Variants in RPS6KA5 observed in about 807,000 individuals in gnomAD.
RPS6KA5 encodes the protein ribosomal protein S6 kinase alpha-5.
RPS6KA5 carries 27 observed loss-of-function variants against 85.5 expected under a neutral mutation model. That is an observed-to-expected ratio of 0.32 (90% CI 0.23 to 0.44). RPS6KA5 has a LOEUF of 0.44. RPS6KA5 is among the 20% of genes least tolerant of loss of function. The probability of loss-of-function intolerance (pLI) is 1.00; values close to 1 mark genes in which losing one functional copy is unlikely to be tolerated. For synonymous variants in RPS6KA5, 334 were observed against 348.2 expected (o/e 0.96, Z 0.46); for missense variants, 811 against 980.9 (o/e 0.83, Z 2.31).
intron 5 of RPS6KA5, among the ~76,000 whole-genome samples, chr14:90,923,888 A>C (rs1205475464): frequency 6.6e-6 from 1 of 152,082 alleles, no homozygotes; most frequent in Non-Finnish European, 1.5e-5. Context: ...TTAACCTAAA[A>C]ATTATTTTTT....
chr14:90,978,720 G>A (rs1595385647), intron 2 of RPS6KA5, among the ~76,000 whole-genome samples, 196 bp from the exon 3 acceptor site: 1 of 152,024 alleles, frequency 6.6e-6, no homozygotes, highest in South Asian at 2.1e-4. Flanking sequence ...AACCCTTAAT[G>A]TTTACATATC....
intron 3 of RPS6KA5, among the ~76,000 whole-genome samples, chr14:90,974,951 T>C (rs922585674): frequency 1.3e-5 from 2 of 152,184 alleles, no homozygotes; most frequent in Non-Finnish European, 2.9e-5. Context: ...TAGATATCAT[T>C]AACGGAAAGA....
At chr14:90,897,276 G>A (rs999984740) in intron 12 of RPS6KA5, among the ~76,000 whole-genome samples, 1 of 152,186 alleles carries the variant, frequency 6.6e-6, no homozygotes, top group African/African-American at 2.4e-5. Flanking sequence ...TTCTGCTCAA[G>A]AGGGAACCAG....
At chr14:90,964,787 C>T (rs2038973957) in intron 3 of RPS6KA5, among the ~76,000 whole-genome samples, 1 of 151,638 alleles carries the variant, frequency 6.6e-6, no homozygotes, top group Non-Finnish European at 1.5e-5. Context: ...TGGTGGTGTG[C>T]ACCTATAGTC....
chr14:90,968,012 C>A (rs780954520), intron 3 of RPS6KA5, among the ~76,000 whole-genome samples: 1 of 152,144 alleles, frequency 6.6e-6, no homozygotes, highest in African/African-American at 2.4e-5. Context: ...GACTTAGTGG[C>A]GTAAACACTA....
intron 6 of RPS6KA5, among the ~76,000 whole-genome samples, chr14:90,921,974 TAGAA>T (rs1340410449): frequency 2.0e-5 from 3 of 152,216 alleles, no homozygotes; most frequent in Non-Finnish European, 4.4e-5. Flanking sequence ...CATAATTACT[TAGAA>T]AGTTTCTTCT....
At chr14:91,057,611 A>G (rs2043377179) in intron 1 of RPS6KA5, among the ~76,000 whole-genome samples, 1 of 152,246 alleles carries the variant, frequency 6.6e-6, no homozygotes, top group Non-Finnish European at 1.5e-5. Context: ...CTACATGAGA[A>G]GACTGGACAT....
intron 7 of RPS6KA5, among the ~76,000 whole-genome samples, chr14:90,914,454 A>T (rs1043365080): frequency 2.0e-5 from 3 of 151,506 alleles, no homozygotes; most frequent in Non-Finnish European, 2.9e-5. Flanking sequence ...AGCTGGAATT[A>T]CAGGCACCCA....
At chr14:91,028,381 A>G (rs963349599) in intron 1 of RPS6KA5, among the ~76,000 whole-genome samples, 1 of 151,980 alleles carries the variant, frequency 6.6e-6, no homozygotes, top group African/African-American at 2.4e-5. Flanking sequence ...CCACACCTGG[A>G]TAATTTTTTA....
At chr14:91,008,457 T>G (rs2041124310) in intron 1 of RPS6KA5, among the ~76,000 whole-genome samples, 1 of 152,164 alleles carries the variant, frequency 6.6e-6, no homozygotes, top group African/African-American at 2.4e-5. Context: ...TTAGAAAAGC[T>G]CATTGAGAAT....
chr14:90,928,845 C>A (rs1026979352), intron 5 of RPS6KA5, among the ~76,000 whole-genome samples: 1 of 151,660 alleles, frequency 6.6e-6, no homozygotes, highest in Non-Finnish European at 1.5e-5. Context: ...ATTCTAAATC[C>A]ATTTCATGGT....
rs193102183 is a variant in RPS6KA5, at chr14:90,872,904, C to T, written c.2161-582G>A. 2.3e-3 allele frequency among the ~76,000 whole-genome samples: 352 copies of T among 152,332 alleles called. 2 individuals are homozygous for T. The highest frequency in any genetic ancestry group is 8.3e-3 in the African/African-American group (343 of 41,568). On this transcript the variant is annotated intron_variant, in intron 16 of 16. Coordinates refer to ENST00000614987, the MANE Select transcript of RPS6KA5 (RefSeq NM_004755.4). ...TGCTGCAGTTACACCTTGTAGTTGT[C>T]ACCTTGCAACCTATGTCACTGAGAA... is the stretch of plus-strand genomic sequence containing the variant.
intron 5 of RPS6KA5, among the ~76,000 whole-genome samples, chr14:90,925,508 G>A (rs540183161): frequency 3.3e-5 from 5 of 152,180 alleles, no homozygotes; most frequent in Admixed American, 2.6e-4. Context: ...TGGGGAAGTA[G>A]GAAAATCTGG....
At chr14:90,930,814 C>A (rs1264592432) in intron 5 of RPS6KA5, among the ~76,000 whole-genome samples, 2 of 152,022 alleles carry the variant, frequency 1.3e-5, no homozygotes, top group Non-Finnish European at 2.9e-5. Context: ...GAGATAAACG[C>A]GAATCAGAAT....
At chr14:91,039,336 A>G (rs2042517727) in intron 1 of RPS6KA5, among the ~76,000 whole-genome samples, 1 of 152,188 alleles carries the variant, frequency 6.6e-6, no homozygotes. Flanking sequence ...TGGATTCATG[A>G]AAGCGATTTG....
Position 90,868,737 on chromosome 14 carries a change from T to C in RPS6KA5, c.*3337A>G, listed in dbSNP as rs985575565. 2.0e-5 allele frequency: 3 copies of C among 152,188 alleles called. No individual in the cohort carries two copies. The highest frequency in any genetic ancestry group is 4.4e-5 in the Non-Finnish European group (3 of 68,032). 9.4% of individuals were successfully genotyped at this position (152,188 alleles called of 1,614,324 possible). A position where few individuals can be genotyped will look rare whatever the true frequency, so the allele number is the denominator to read the frequency against. On this transcript the variant is annotated 3_prime_UTR_variant, in exon 17 of 17. Coordinates refer to ENST00000614987, the MANE Select transcript of RPS6KA5 (RefSeq NM_004755.4). Reference sequence around the variant, plus strand: ...GCAAGGTGAATAAGTATCCAGTCAATTGTATACTTTTATAAAGTAGTGTAT... The same window carrying C: ...GCAAGGTGAATAAGTATCCAGTCAACTGTATACTTTTATAAAGTAGTGTAT...
At chr14:91,042,173 T>C (rs1021995600) in intron 1 of RPS6KA5, among the ~76,000 whole-genome samples, 1 of 152,210 alleles carries the variant, frequency 6.6e-6, no homozygotes, top group African/African-American at 2.4e-5. Flanking sequence ...TTTCATCTTA[T>C]AGCATATACA....
chr14:90,958,171 A>G (rs1288205095), intron 3 of RPS6KA5, among the ~76,000 whole-genome samples: 1 of 152,042 alleles, frequency 6.6e-6, no homozygotes, highest in Non-Finnish European at 1.5e-5. Context: ...AATAATGAAT[A>G]AAGAATTAGA....
At chr14:91,033,097 G>A (rs2042254192) in intron 1 of RPS6KA5, among the ~76,000 whole-genome samples, 1 of 151,420 alleles carries the variant, frequency 6.6e-6, no homozygotes, top group Admixed American at 6.6e-5. Context: ...TGAGGCAGGA[G>A]AATGGCATGA....
Sources: allele counts gnomAD v4.1 joint callset (sites outside exome capture counted in the v4.1 genomes callset), GRCh38; gene constraint gnomAD v4.1.1; transcripts MANE v1.5; gene names NCBI Gene and HGNC (gene_info 2026-07-23, HGNC 2026-07-21).